Variants in AMOTL1 observed in about 807,000 individuals in gnomAD.
The protein encoded by AMOTL1 is angiomotin like 1, also known as angiomotin-like protein 1.
AMOTL1 carries 45 observed loss-of-function variants against 102.9 expected under a neutral mutation model. The ratio of observed to expected loss-of-function variants is 0.44; its 90% CI spans 0.34 to 0.56. AMOTL1 has a LOEUF of 0.56. AMOTL1 is among the 20% of genes least tolerant of loss of function. AMOTL1 has a pLI of 0.01. For missense variants in AMOTL1, 1,114 were observed against 1,225.6 expected (o/e 0.91, Z 1.36); for synonymous variants, 481 against 484.7 (o/e 0.99, Z 0.10).
At chr11:94,840,431 G>A (rs1215574911) in intron 6 of AMOTL1, among the ~76,000 whole-genome samples, 1 of 151,944 alleles carries the variant, frequency 6.6e-6, no homozygotes, top group African/African-American at 2.4e-5. Flanking sequence ...GGAAAAAAAG[G>A]AATCTATTCA....
Position 94,800,127 on chromosome 11 carries a change from T to C in AMOTL1, c.937T>C (p.Tyr313His), listed in dbSNP as rs1269900213. Residue 313 changes from tyrosine to histidine, a missense_variant, in exon 3 of 13, where the codon TAC becomes CAC. Transcript: ENST00000433060. Reference protein sequence around the residue: ...VLDPRGPPPEYPFKTKQMMSP... With the variant: ...VLDPRGPPPEHPFKTKQMMSP... The stretch of plus-strand genomic sequence containing the variant: ...GGACCCTCGGGGTCCTCCACCTGAG[T>C]ACCCCTTCAAGACCAAGCAAATGAT... 6.2e-7 allele frequency: 1 copy of C among 1,613,778 alleles called. No individual in the cohort carries two copies. The highest frequency in any genetic ancestry group is 8.5e-7 in the Non-Finnish European group (1 of 1,179,842).
At chr11:94,748,310 A>G (rs1440105161) in intron 3 of AMOTL1, among the ~76,000 whole-genome samples, 1 of 152,220 alleles carries the variant, frequency 6.6e-6, no homozygotes, top group Non-Finnish European at 1.5e-5. Context: ...TCACATCCGC[A>G]TTCTAGTCCA....
chr11:94,729,082 A>G, intron 2 of AMOTL1: 1 of 1,278,036 alleles, frequency 7.8e-7, no homozygotes, highest in Non-Finnish European at 1.0e-6. Flanking sequence ...TGTCCCTGAT[A>G]GCATGGTACT....
At chr11:94,849,867 T>C (rs751853460) in intron 6 of AMOTL1, among the ~76,000 whole-genome samples, 14 of 152,140 alleles carry the variant, frequency 9.2e-5, no homozygotes, top group African/African-American at 1.4e-4. Flanking sequence ...ATCGAGAATA[T>C]AGGGTCACTG....
chr11:94,761,909 C>CT (rs1327023117), intron 3 of AMOTL1, among the ~76,000 whole-genome samples: 1 of 152,140 alleles, frequency 6.6e-6, no homozygotes, highest in Non-Finnish European at 1.5e-5. Context: ...TCTCACTGTT[C>CT]TTTCTATGAA....
intron 9 of AMOTL1, among the ~76,000 whole-genome samples, 193 bp from the exon 10 acceptor site, chr11:94,864,540 TTC>T (rs1425897452): frequency 6.6e-6 from 1 of 152,140 alleles, no homozygotes; most frequent in East Asian, 1.9e-4. Flanking sequence ...ATTTACACCT[TTC>T]TCTGTATGGG....
intron 3 of AMOTL1, among the ~76,000 whole-genome samples, chr11:94,749,300 G>T (rs1950623385): frequency 6.6e-6 from 1 of 152,214 alleles, no homozygotes; most frequent in Admixed American, 6.5e-5. Flanking sequence ...GGCAGAAGAA[G>T]AGCGTCCCAG....
In AMOTL1 at chr11:94,869,279, T is replaced by C. The variant is rs376312702; in HGVS notation, c.2570T>C (p.Ile857Thr). 2 of 1,612,734 alleles carry C rather than the reference T, an allele frequency of 1.2e-6. No individual in the cohort carries two copies. Among genetic ancestry groups the C allele is most frequent in the African/African-American group, 2.7e-5 (2 of 74,884 alleles). The change falls in exon 12 of 13, where the codon ATA becomes ACA. Residue 857 changes from isoleucine (I) to threonine (T), a missense_variant. Transcript: ENST00000433060. ...CCACCCACCTCAGCACTGTCCTCCA[T>C]AGCCTCCACTACGGCAGCCAGCAGT... is the stretch of plus-strand genomic sequence containing the variant. The part of the protein sequence containing the change: ...PPPPTSALSS[I>T]ASTTAASSAH...
chr11:94,719,730 A>G (rs1950148492), intron 1 of AMOTL1, among the ~76,000 whole-genome samples: 1 of 152,126 alleles, frequency 6.6e-6, no homozygotes, highest in African/African-American at 2.4e-5. Context: ...ATAATTCCTC[A>G]CTACGTATTC....
chr11:94,856,587 C>G (rs1202524777), intron 8 of AMOTL1, among the ~76,000 whole-genome samples: 1 of 152,164 alleles, frequency 6.6e-6, no homozygotes, highest in Non-Finnish European at 1.5e-5. Flanking sequence ...CTCATTCACC[C>G]TCACGCAACT....
At chr11:94,863,931 A>G (rs1298992637) in intron 9 of AMOTL1, among the ~76,000 whole-genome samples, 1 of 152,208 alleles carries the variant, frequency 6.6e-6, no homozygotes, top group Non-Finnish European at 1.5e-5. Flanking sequence ...CTTGTCAAGG[A>G]CAGTGTCTGC....
chr11:94,861,209 C>T (rs1304808073), intron 9 of AMOTL1, among the ~76,000 whole-genome samples: 1 of 152,174 alleles, frequency 6.6e-6, no homozygotes. Flanking sequence ...CGGTGAAGTT[C>T]CGGGGTCCTG....
At chr11:94,840,952 C>T (rs1328104878) in intron 6 of AMOTL1, among the ~76,000 whole-genome samples, 2 of 151,892 alleles carry the variant, frequency 1.3e-5, no homozygotes, top group African/African-American at 2.4e-5. Context: ...TATGGCTTCT[C>T]CTCACCTCTG....
At chr11:94,733,307 A>C (rs1950385187) in intron 2 of AMOTL1, among the ~76,000 whole-genome samples, 1 of 152,244 alleles carries the variant, frequency 6.6e-6, no homozygotes, top group South Asian at 2.1e-4. Flanking sequence ...ATATAATGGA[A>C]TCCATTATCT....
chr11:94,820,167 A>G (rs1442053576), intron 3 of AMOTL1: 1 of 152,070 alleles, frequency 6.6e-6, no homozygotes, highest in Non-Finnish European at 1.5e-5. Context: ...GTAATTTTTA[A>G]TTTTCCCGAC....
chr11:94,764,897 G>A (rs182794048), upstream of AMOTL1, among the ~76,000 whole-genome samples: 1 of 152,294 alleles, frequency 6.6e-6, no homozygotes, highest in East Asian at 1.9e-4. Context: ...TGAGGCAAAT[G>A]TTATTATTTT....
chr11:94,838,920 A>T (rs1377900172), intron 6 of AMOTL1, among the ~76,000 whole-genome samples: 1 of 145,722 alleles, frequency 6.9e-6, no homozygotes, highest in Non-Finnish European at 1.5e-5. Flanking sequence ...GTTATCCATG[A>T]TAGTTAATTG....
intron 1 of AMOTL1, among the ~76,000 whole-genome samples, chr11:94,706,946 C>G (rs1319928495): frequency 3.3e-5 from 5 of 152,118 alleles, no homozygotes; most frequent in African/African-American, 1.2e-4. Context: ...TGCCTTCCTA[C>G]TGATTGGGTA....
At chr11:94,710,526 C>G (rs936859711) in intron 1 of AMOTL1, among the ~76,000 whole-genome samples, 2 of 152,116 alleles carry the variant, frequency 1.3e-5, no homozygotes, top group African/African-American at 4.8e-5. Context: ...AGCACAGTGC[C>G]TAATACATCT....
Sources: allele counts gnomAD v4.1 joint callset (sites outside exome capture counted in the v4.1 genomes callset), GRCh38; gene constraint gnomAD v4.1.1; transcripts MANE v1.5; gene names NCBI Gene and HGNC (gene_info 2026-07-23, HGNC 2026-07-21).